The following NR6A1 variants were observed in gnomAD, a reference collection of about 807,000 sequenced individuals.
NR6A1 encodes the protein nuclear receptor subfamily 6 group A member 1.
NR6A1 carries 7 observed loss-of-function variants against 59.1 expected under a neutral mutation model. That is an observed-to-expected ratio of 0.12 (90% confidence interval 0.07 to 0.22). The LOEUF is 0.22. Ranked by LOEUF, NR6A1 falls within the 10% of genes least tolerant of loss-of-function variation. NR6A1 has a pLI of 1.00. For synonymous variants in NR6A1, 243 were observed against 236.1 expected (o/e 1.03, Z -0.27); for missense variants, 468 against 611.6 (o/e 0.77, Z 2.48).
intron 2 of NR6A1, among the ~76,000 whole-genome samples, chr9:124,663,270 GACC>G (rs1341063927): frequency 1.8e-4 from 28 of 152,180 alleles, no homozygotes; most frequent in Non-Finnish European, 4.4e-5. Flanking sequence ...CTTCTATGAT[GACC>G]ACGTCTTAAC....
chr9:124,561,364 G>C (rs919858685), intron 2 of NR6A1, among the ~76,000 whole-genome samples: 5 of 152,094 alleles, frequency 3.3e-5, no homozygotes, highest in African/African-American at 9.7e-5. Context: ...CCTGAGCCCA[G>C]GTGGTCGAAG....
intron 2 of NR6A1, among the ~76,000 whole-genome samples, chr9:124,640,484 T>C (rs1031530119): frequency 1.3e-5 from 2 of 152,086 alleles, no homozygotes; most frequent in African/African-American, 4.8e-5. Flanking sequence ...ACTGTAACCA[T>C]GAACTCATGG....
intron 1 of NR6A1, among the ~76,000 whole-genome samples, chr9:124,753,079 T>A (rs1391104447): frequency 6.6e-6 from 1 of 152,240 alleles, no homozygotes; most frequent in Non-Finnish European, 1.5e-5. Context: ...CCTATGTCAG[T>A]GTTTCCCAAA....
chr9:124,643,071 G>T, intron 2 of NR6A1, among the ~76,000 whole-genome samples: 1 of 115,760 alleles, frequency 8.6e-6, no homozygotes, highest in Admixed American at 1.3e-4. Context: ...GTGAGTACCA[G>T]TTACATGCCT....
rs1041744955 is a variant in NR6A1, at chr9:124,520,726, G to C, written c.*1979C>G. The C allele has an allele frequency of 6.6e-6, 1 of 152,198 alleles. No individual in the cohort carries two copies. Among genetic ancestry groups the C allele is most frequent in the Non-Finnish European group, 1.5e-5 (1 of 68,038 alleles). The allele number at this position is 152,198 out of a possible 1,614,324, so 9.4% of individuals were successfully genotyped here. On this transcript the variant is annotated 3_prime_UTR_variant, in exon 10 of 10. Coordinates refer to ENST00000487099, the MANE Select transcript of NR6A1 (RefSeq NM_033334.4). ...ACCTGTGGCCAAAGAATGTGATCTA[G>C]TTGGTTAAATAAAATTCAGGGGAAC...
chr9:124,632,658 G>GTGC (rs970866642), intron 2 of NR6A1, among the ~76,000 whole-genome samples: 1 of 152,182 alleles, frequency 6.6e-6, no homozygotes, highest in Admixed American at 6.5e-5. Context: ...AATCTGCAAT[G>GTGC]TGCTGTTCCT....
At position 124,628,346 on chromosome 9, in the gene NR6A1, AATT is replaced by A. The variant is rs531716337; in HGVS notation, c.143-73779_143-73777del. 2.8e-3 allele frequency among the ~76,000 whole-genome samples: 421 copies of A among 151,868 alleles called. 2 individuals are homozygous for A. Among genetic ancestry groups the A allele is most frequent in the African/African-American group, 9.1e-3 (379 of 41,442 alleles). On this transcript the variant is annotated intron_variant, in intron 2 of 9. Transcript: ENST00000487099. ...CCTGGCCTGCCTTTGATTTTCTAAT[AATT>A]ATTAATTTTTTTTGAGATGGAGTCT... is the stretch of plus-strand genomic sequence containing the variant.
intron 2 of NR6A1, among the ~76,000 whole-genome samples, chr9:124,589,264 G>A (rs1835035007): frequency 6.6e-6 from 1 of 152,054 alleles, no homozygotes; most frequent in African/African-American, 2.4e-5. Flanking sequence ...GGCTAACACG[G>A]TGAAACCCCG....
intron 2 of NR6A1, among the ~76,000 whole-genome samples, chr9:124,702,362 A>G (rs77383741): frequency 0.011 from 1,656 of 152,272 alleles, 26 homozygotes; most frequent in African/African-American, 0.036. Context: ...GAAAAAAACT[A>G]TGATTTCCTC....
chr9:124,550,210 GTC>G (rs1169361364), intron 3 of NR6A1, among the ~76,000 whole-genome samples: 26 of 152,068 alleles, frequency 1.7e-4, no homozygotes, highest in African/African-American at 5.6e-4. Context: ...CTAAAGTTAT[GTC>G]TGTCAGAATT....
rs188650054 is a variant in NR6A1 at position 124,704,854 on chromosome 9, C to G, written c.142+28454G>C. On this transcript the variant is annotated intron_variant, in intron 2 of 9. Transcript: ENST00000487099. Reference sequence around the variant, plus strand: ...CCCAGGCCCAGGAGATACACCCACCCCAACCTCCCGAGTAGCTGGGACCAG... The same window carrying G: ...CCCAGGCCCAGGAGATACACCCACCGCAACCTCCCGAGTAGCTGGGACCAG... Among the ~76,000 whole-genome samples, 586 of 152,210 alleles carry G rather than the reference C, an allele frequency of 3.8e-3. 2 individuals are homozygous for G. Among genetic ancestry groups the G allele is most frequent in the African/African-American group, 0.013 (550 of 41,528 alleles).
At chr9:124,696,111 G>A (rs2131034265) in intron 2 of NR6A1, among the ~76,000 whole-genome samples, 1 of 152,250 alleles carries the variant, frequency 6.6e-6, no homozygotes, top group Non-Finnish European at 1.5e-5. Context: ...CATAAGGAAT[G>A]GCACTGAAAA....
intron 2 of NR6A1, among the ~76,000 whole-genome samples, chr9:124,657,347 C>A (rs141674558): frequency 6.6e-6 from 1 of 152,038 alleles, no homozygotes; most frequent in Admixed American, 6.5e-5. Flanking sequence ...GTGAGAAAGG[C>A]AAGAAATAAA....
intron 1 of NR6A1, among the ~76,000 whole-genome samples, chr9:124,762,376 G>A (rs1319819597): frequency 6.6e-6 from 1 of 152,156 alleles, no homozygotes; most frequent in Non-Finnish European, 1.5e-5. Context: ...GAGTGGCATT[G>A]TTTTACATTT....
At chr9:124,553,621 G>A (rs1010258817) in intron 3 of NR6A1, among the ~76,000 whole-genome samples, 17 of 120,980 alleles carry the variant, frequency 1.4e-4, no homozygotes, top group African/African-American at 4.9e-4. Context: ...CCACATCCTC[G>A]ATTTCAACTT....
chr9:124,599,419 CA>C (rs530668330), intron 2 of NR6A1: 45,811 of 280,824 alleles, frequency 0.16, 30 homozygotes, highest in South Asian at 0.23. Flanking sequence ...TACATGGTCT[CA>C]AAAAAAAAAA....
At chr9:124,697,885 T>C (rs995830645) in intron 2 of NR6A1, among the ~76,000 whole-genome samples, 1 of 152,198 alleles carries the variant, frequency 6.6e-6, no homozygotes, top group Non-Finnish European at 1.5e-5. Flanking sequence ...GATACAACAA[T>C]AGTATTTGCT....
At chr9:124,660,205 T>A (rs1837386970) in intron 2 of NR6A1, among the ~76,000 whole-genome samples, 1 of 152,132 alleles carries the variant, frequency 6.6e-6, no homozygotes. Context: ...TTTCCCAAAC[T>A]TACACATTAT....
intron 2 of NR6A1, among the ~76,000 whole-genome samples, chr9:124,667,035 C>T (rs972863770): frequency 6.6e-6 from 1 of 151,756 alleles, no homozygotes; most frequent in Non-Finnish European, 1.5e-5. Context: ...TATTATCCAC[C>T]CTACTTTTTT....
Sources: gnomAD v4.1 joint callset for allele counts (sites outside exome capture counted in the v4.1 genomes callset) on GRCh38, gnomAD v4.1.1 for gene constraint, MANE v1.5 for transcripts, NCBI Gene and HGNC (gene_info 2026-07-23, HGNC 2026-07-21) for gene names.